VCL: variants seen among roughly 807,000 people sequenced by gnomAD.
VCL encodes the protein epididymis luminal protein 114.
In VCL, 47 loss-of-function variants were observed where a neutral mutation model predicts 125.7. The observed-to-expected ratio is 0.37, with a 90% CI of 0.30 to 0.48. The LOEUF (loss-of-function observed/expected upper bound fraction) is 0.48. VCL is among the 20% of genes least tolerant of loss of function. VCL has a pLI of 0.99. For missense variants in VCL, 1,069 were observed against 1,455.5 expected (o/e 0.73, Z 4.32); for synonymous variants, 458 against 514.6 (o/e 0.89, Z 1.49).
rs565287786 is a variant in VCL at position 74,095,943 on chromosome 10, A to G, written c.1743+88A>G. Reference sequence around the variant, plus strand: ...AGGAAGAGAGAGTTTTGAAAAATACATAATTTCTGGGGTCTAGGGAAAATG... The same window carrying G: ...AGGAAGAGAGAGTTTTGAAAAATACGTAATTTCTGGGGTCTAGGGAAAATG... On this transcript the variant is annotated intron_variant, in intron 12 of 21. Transcript: ENST00000211998. The G allele has an allele frequency of 5.9e-5, 87 of 1,474,144 alleles. No homozygotes were observed. In the South Asian group the frequency reaches 9.5e-4, roughly 16 times the overall value. The allele number at this position is 1,474,144 out of a possible 1,614,324, so 91.3% of individuals were successfully genotyped here.
intron 1 of VCL, 92 bp downstream of exon 1, chr10:73,998,467 C>T (rs1840159189): frequency 4.0e-6 from 5 of 1,241,186 alleles, no homozygotes; most frequent in African/African-American, 1.6e-5. Flanking sequence ...GGCTCGCTGG[C>T]CGTGGCTTTC....
chr10:74,039,524 T>C (rs1841053199), intron 1 of VCL, among the ~76,000 whole-genome samples: 1 of 151,920 alleles, frequency 6.6e-6, no homozygotes, highest in Admixed American at 6.6e-5. Context: ...GGCTCATGAC[T>C]GTAATCCCAG....
At chr10:74,015,358 A>G (rs77671496) in intron 1 of VCL, among the ~76,000 whole-genome samples, 1 of 152,004 alleles carries the variant, frequency 6.6e-6, no homozygotes, top group Non-Finnish European at 1.5e-5. Context: ...TTTGAGACCA[A>G]CCTGGCCAAC....
intron 2 of VCL, among the ~76,000 whole-genome samples, chr10:74,066,306 G>A (rs189748513): frequency 1.6e-4 from 25 of 152,096 alleles, no homozygotes; most frequent in Admixed American, 3.3e-4. Flanking sequence ...TGATCTGCCC[G>A]CCTCAGCCTC....
chr10:74,105,260 G>C lies in VCL; in HGVS notation c.2341G>C (p.Glu781Gln). Residue 781 changes from glutamate to glutamine, a missense_variant, in exon 16 of 22, where the codon GAG (glutamate) becomes CAG (glutamine). Around this residue, in one of 6 missense-constraint regions of VCL, gnomAD observed 760 missense variants for 928.9 expected, o/e 0.82. Coordinates refer to ENST00000211998, the MANE Select transcript of VCL (RefSeq NM_014000.3). ...VENSEDPKFR[E>Q]AVKAASDELS... ...GAATTCCGAGGATCCCAAGTTCCGT[G>C]AGGCTGTGAAAGCTGCCTCTGATGA... The C allele has an allele frequency of 6.2e-7, 1 of 1,614,048 alleles. No individual in the cohort carries two copies.
chr10:74,098,836 C>T (rs1364100451), intron 13 of VCL, among the ~76,000 whole-genome samples: 1 of 152,166 alleles, frequency 6.6e-6, no homozygotes, highest in African/African-American at 2.4e-5. Context: ...CCAGACTTCT[C>T]TTTCAGGCTA....
chr10:74,023,034 T>G (rs1840702048), intron 1 of VCL, among the ~76,000 whole-genome samples: 1 of 152,184 alleles, frequency 6.6e-6, no homozygotes. Context: ...GAACCAAATA[T>G]AGACTTGTGT....
intron 8 of VCL, among the ~76,000 whole-genome samples, chr10:74,087,830 G>T (rs1839812822): frequency 6.6e-6 from 1 of 152,006 alleles, no homozygotes; most frequent in Non-Finnish European, 1.5e-5. Flanking sequence ...ACAAAAATTA[G>T]CCAGGCATGG....
At chr10:74,003,693 A>C (rs1256050496) in intron 1 of VCL, among the ~76,000 whole-genome samples, 1 of 152,038 alleles carries the variant, frequency 6.6e-6, no homozygotes, top group Non-Finnish European at 1.5e-5. Context: ...TTCACTTTAC[A>C]CTGATAAATG....
At chr10:74,069,156 C>T (rs1332026534) in intron 2 of VCL, among the ~76,000 whole-genome samples, 1 of 151,910 alleles carries the variant, frequency 6.6e-6, no homozygotes, top group Non-Finnish European at 1.5e-5. Context: ...CTCTGATTCT[C>T]CTGCCTCTGA....
At chr10:74,063,457 A>G (rs2136267192) in intron 2 of VCL, among the ~76,000 whole-genome samples, 1 of 152,338 alleles carries the variant, frequency 6.6e-6, no homozygotes, top group South Asian at 2.1e-4. Context: ...TCCAGCTTCT[A>G]GAGGCTGCCT....
intron 8 of VCL, among the ~76,000 whole-genome samples, chr10:74,086,127 A>T (rs12571772): frequency 0.18 from 26,626 of 152,130 alleles, 2,471 homozygotes; most frequent in East Asian, 0.22. Flanking sequence ...GCGGCCTCCC[A>T]AAGTGCTGGG....
At chr10:74,054,749 C>T (rs1003248716) in intron 2 of VCL, among the ~76,000 whole-genome samples, 18 of 152,070 alleles carry the variant, frequency 1.2e-4, no homozygotes, top group African/African-American at 3.6e-4. Context: ...GGTGAAATCC[C>T]GTCTCTACCA....
rs1060502194 is a variant in VCL, at chr10:73,998,320, C to T, written c.113C>T (p.Pro38Leu). Residue 38 changes from proline to leucine, a missense_variant, in exon 1 of 22, where the codon CCT becomes CTT. By Grantham distance (98) the Pro-to-Leu change is moderately conservative. Coordinates refer to ENST00000211998, the MANE Select transcript of VCL (RefSeq NM_014000.3). Reference sequence around the variant, plus strand: ...GGCGAGGTGGACGGCAAAGCCATTCCTGACCTCACCGCGCCCGTGGCCGCC... The same window carrying T: ...GGCGAGGTGGACGGCAAAGCCATTCTTGACCTCACCGCGCCCGTGGCCGCC... ...EEGEVDGKAI[P>L]DLTAPVAAVQ... The T allele has an allele frequency of 1.9e-6, 3 of 1,577,350 alleles. No individual in the cohort carries two copies. The highest frequency in any genetic ancestry group is 2.4e-5 in the East Asian group (1 of 42,104).
chr10:74,012,790 C>A (rs1223214837), intron 1 of VCL, among the ~76,000 whole-genome samples: 1 of 152,092 alleles, frequency 6.6e-6, no homozygotes, highest in Non-Finnish European at 1.5e-5. Context: ...TCCTGTTGGC[C>A]TTCCTTCTGC....
intron 18 of VCL, 148 bp from the exon 19 acceptor site, chr10:74,111,761 A>G (rs575354308): frequency 1.9e-6 from 2 of 1,063,364 alleles, no homozygotes; most frequent in Non-Finnish European, 2.8e-6. Flanking sequence ...CCTTCTGTGA[A>G]GCTTGGTACA....
chr10:74,093,216 G>A (rs1437370837), intron 10 of VCL, among the ~76,000 whole-genome samples: 1 of 152,038 alleles, frequency 6.6e-6, no homozygotes, highest in African/African-American at 2.4e-5. Flanking sequence ...AGAATGGCTT[G>A]AACCCGAGAG....
At position 74,067,878 on chromosome 10, in the gene VCL, CT is replaced by C. The variant is rs143626787; in HGVS notation, c.240-2791del. ...TACTTAATGAGTATTGCGTGTTTTA[CT>C]GAGATAATGAAGAGTTTTGGCACTA... On this transcript the variant is annotated intron_variant, in intron 2 of 21. Coordinates refer to ENST00000211998, the MANE Select transcript of VCL (RefSeq NM_014000.3). Among the ~76,000 whole-genome samples the C allele has an allele frequency of 4.1e-3, 624 of 152,256 alleles. 6 individuals are homozygous for C. The highest frequency in any genetic ancestry group is 0.014 in the African/African-American group (597 of 41,540).
intron 1 of VCL, among the ~76,000 whole-genome samples, chr10:74,006,551 T>C (rs1188954633): frequency 1.3e-5 from 2 of 152,214 alleles, no homozygotes; most frequent in African/African-American, 4.8e-5. Context: ...AGCCTGGTTA[T>C]TTCATACACA....
Sources: gnomAD v4.1 joint callset for allele counts (sites outside exome capture counted in the v4.1 genomes callset) on GRCh38, gnomAD v4.1.1 for gene constraint, gnomAD v4.1.1 regional missense constraint, MANE v1.5 for transcripts, NCBI Gene and HGNC (gene_info 2026-07-23, HGNC 2026-07-21) for gene names.